AUTS2: variants seen among roughly 807,000 people sequenced by gnomAD.
AUTS2 encodes activator of transcription and developmental regulator AUTS2, also known as autism susceptibility gene 2 protein.
AUTS2 carries 17 observed loss-of-function variants against 112.4 expected under a neutral mutation model. The ratio of observed to expected loss-of-function variants is 0.15; its 90% confidence interval spans 0.10 to 0.23. AUTS2 has a LOEUF of 0.23. AUTS2 is among the 10% of genes least tolerant of loss of function. AUTS2 has a pLI of 1.00. For missense variants in AUTS2, 1,510 were observed against 1,701.6 expected (o/e 0.89, Z 1.98); for synonymous variants, 751 against 702.7 (o/e 1.07, Z -1.09).
intron 4 of AUTS2, among the ~76,000 whole-genome samples, chr7:70,226,680 T>C (rs1032213256): frequency 1.3e-5 from 2 of 152,190 alleles, no homozygotes; most frequent in Non-Finnish European, 2.9e-5. Flanking sequence ...CATTTCTTCA[T>C]AATAATTCTT....
At chr7:70,653,400 G>A (rs895760198) in intron 5 of AUTS2, among the ~76,000 whole-genome samples, 10 of 152,074 alleles carry the variant, frequency 6.6e-5, no homozygotes, top group South Asian at 2.1e-4. Context: ...CTGTGAACAC[G>A]GATGAAGTAT....
chr7:70,285,353 ATGC>A (rs1196809927), intron 4 of AUTS2, among the ~76,000 whole-genome samples: 2 of 152,202 alleles, frequency 1.3e-5, no homozygotes, highest in Non-Finnish European at 2.9e-5. Context: ...CCCAGCCCTC[ATGC>A]TGCCTCCTTT....
At chr7:70,292,143 C>T (rs1312062703) in intron 4 of AUTS2, 1 of 152,134 alleles carries the variant, frequency 6.6e-6, no homozygotes, top group Admixed American at 6.5e-5. Context: ...TTATTGAATT[C>T]TATTCTTATG....
chr7:69,966,692 G>A (rs749247951), intron 2 of AUTS2, among the ~76,000 whole-genome samples: 4 of 152,062 alleles, frequency 2.6e-5, no homozygotes, highest in Non-Finnish European at 4.4e-5. Flanking sequence ...TACCCTGAGC[G>A]TGGCAGTGCC....
At chr7:70,329,703 C>G (rs1047123838) in intron 4 of AUTS2, among the ~76,000 whole-genome samples, 1 of 150,646 alleles carries the variant, frequency 6.6e-6, no homozygotes, top group Non-Finnish European at 1.5e-5. Context: ...TATTTTCACT[C>G]TCTAGGTTGT....
Position 70,439,892 on chromosome 7 carries a change from T to C in AUTS2, c.690+4111T>C, listed in dbSNP as rs113668033. The stretch of plus-strand genomic sequence containing the variant: ...CATTCCCTGTTCTACCCACACCCTT[T>C]TTCTTGTGTATAGCATGTGACTGAG... On this transcript the variant is annotated intron_variant, in intron 5 of 18. Coordinates refer to ENST00000342771, the MANE Select transcript of AUTS2 (RefSeq NM_015570.4). Among the ~76,000 whole-genome samples the C allele has an allele frequency of 9.5e-3, 1,451 of 152,278 alleles. 26 individuals are homozygous for C. The highest frequency in any genetic ancestry group is 0.033 in the African/African-American group (1,382 of 41,560).
chr7:70,209,389 G>A (rs1409913202), intron 4 of AUTS2, among the ~76,000 whole-genome samples: 2 of 152,166 alleles, frequency 1.3e-5, no homozygotes, highest in Non-Finnish European at 2.9e-5. Context: ...CCAATTGACG[G>A]CTAAGAAAAG....
chr7:70,563,567 G>C (rs957656597), intron 5 of AUTS2, among the ~76,000 whole-genome samples: 1 of 152,184 alleles, frequency 6.6e-6, no homozygotes, highest in African/African-American at 2.4e-5. Flanking sequence ...TTGGCCTCAT[G>C]CACCCTTGAG....
chr7:69,910,807 T>C (rs1187767458), intron 2 of AUTS2, among the ~76,000 whole-genome samples: 1 of 152,052 alleles, frequency 6.6e-6, no homozygotes, highest in African/African-American at 2.4e-5. Flanking sequence ...TTTGTATTTT[T>C]AGTAGAGGCA....
At chr7:70,587,463 A>T (rs1240344465) in intron 5 of AUTS2, among the ~76,000 whole-genome samples, 1 of 152,176 alleles carries the variant, frequency 6.6e-6, no homozygotes, top group African/African-American at 2.4e-5. Flanking sequence ...GTTTGTTAGC[A>T]CTGCATCACC....
intron 2 of AUTS2, among the ~76,000 whole-genome samples, chr7:70,053,091 T>C (rs1297989843): frequency 6.6e-6 from 1 of 152,134 alleles, no homozygotes; most frequent in Non-Finnish European, 1.5e-5. Flanking sequence ...ATAACTCAAT[T>C]AGGGAAACCA....
chr7:70,249,887 A>G (rs1395182069), intron 4 of AUTS2, among the ~76,000 whole-genome samples: 2 of 127,242 alleles, frequency 1.6e-5, no homozygotes, highest in Non-Finnish European at 3.3e-5. Flanking sequence ...TATTTTAAGT[A>G]AAATATTAAT....
intron 4 of AUTS2, among the ~76,000 whole-genome samples, chr7:70,179,026 C>T (rs1193457023): frequency 1.3e-5 from 2 of 152,168 alleles, no homozygotes; most frequent in African/African-American, 2.4e-5. Context: ...TCTGTTTACC[C>T]TGGCCCCACC....
chr7:70,153,677 C>T (rs543900432), intron 4 of AUTS2, among the ~76,000 whole-genome samples: 1 of 152,302 alleles, frequency 6.6e-6, no homozygotes, highest in Non-Finnish European at 1.5e-5. Context: ...TCCTATCTTT[C>T]TGTGTTTTAA....
intron 1 of AUTS2, among the ~76,000 whole-genome samples, chr7:69,765,562 C>G (rs1204740203): frequency 1.3e-5 from 2 of 152,190 alleles, no homozygotes; most frequent in Admixed American, 1.3e-4. Flanking sequence ...AGTGGTCCTC[C>G]TGCCTTGACC....
chr7:69,928,114 C>T (rs965132872), intron 2 of AUTS2, among the ~76,000 whole-genome samples: 1 of 152,102 alleles, frequency 6.6e-6, no homozygotes, highest in African/African-American at 2.4e-5. Context: ...TCAGTGGAGA[C>T]CTGAAGTGAG....
rs34972760 is a variant in AUTS2 at position 70,716,636 on chromosome 7, C to CAAAAAAAAAA, written c.742+18036_742+18045dup. Among the ~76,000 whole-genome samples, 104 of 64,926 alleles carry CAAAAAAAAAA rather than the reference C, an allele frequency of 1.6e-3. 9 individuals carry two copies. Among genetic ancestry groups the CAAAAAAAAAA allele is most frequent in the African/African-American group, 4.8e-3 (73 of 15,254 alleles). 42.6% of individuals were successfully genotyped at this position (64,926 alleles called of 152,430 possible). On this transcript the variant is annotated intron_variant, in intron 6 of 18. Coordinates refer to ENST00000342771, the MANE Select transcript of AUTS2 (RefSeq NM_015570.4). The stretch of plus-strand genomic sequence containing the variant: ...TGGGTGACAGAGCGAGACTCCGTCT[C>CAAAAAAAAAA]AAAAAAAAAAAAAAAAAAAAAAAAA...
At chr7:69,740,667 G>A (rs560046403) in intron 1 of AUTS2, among the ~76,000 whole-genome samples, 1 of 152,226 alleles carries the variant, frequency 6.6e-6, no homozygotes, top group South Asian at 2.1e-4. Flanking sequence ...GGGATTACAG[G>A]CGCCTGCCAC....
At chr7:70,137,471 T>G (rs1368055764) in intron 4 of AUTS2, among the ~76,000 whole-genome samples, 14 of 152,084 alleles carry the variant, frequency 9.2e-5, no homozygotes, top group Non-Finnish European at 1.8e-4. Context: ...TCTTTTTTTT[T>G]TTTGTTTTGA....
Sources: gnomAD v4.1 joint callset for allele counts (sites outside exome capture counted in the v4.1 genomes callset) on GRCh38, gnomAD v4.1.1 for gene constraint, MANE v1.5 for transcripts, NCBI Gene and HGNC (gene_info 2026-07-23, HGNC 2026-07-21) for gene names.